Variants in FNDC7 observed in about 807,000 individuals in gnomAD.
FNDC7 encodes the protein fibronectin type III domain containing 7, also known as fibronectin type III domain-containing protein 7.
In FNDC7, 66 loss-of-function variants were observed where a neutral mutation model predicts 74.2. The observed-to-expected ratio is 0.89, with a 90% CI of 0.73 to 1.09. FNDC7 has a LOEUF of 1.09. Ranked by LOEUF, FNDC7 falls within the 50% of genes least tolerant of loss-of-function variation. FNDC7 has a pLI of 0.00. For missense variants in FNDC7, 829 were observed against 893.4 expected (o/e 0.93, Z 0.92); for synonymous variants, 307 against 330.2 (o/e 0.93, Z 0.76).
chr1:108,732,230 G>T (rs937305325), intron 9 of FNDC7, among the ~76,000 whole-genome samples: 33 of 151,558 alleles, frequency 2.2e-4, no homozygotes, highest in African/African-American at 8.0e-4. Context: ...GTGGTGGCGG[G>T]CGCCTGTAGT....
chr1:108,720,195 C>T (rs886983376), intron 4 of FNDC7, among the ~76,000 whole-genome samples: 3 of 152,152 alleles, frequency 2.0e-5, no homozygotes, highest in African/African-American at 7.2e-5. Context: ...TTTCCTTTCC[C>T]TTTCACACTG....
At chr1:108,734,051 T>C (rs887900121) in intron 10 of FNDC7, among the ~76,000 whole-genome samples, 10 of 152,234 alleles carry the variant, frequency 6.6e-5, no homozygotes, top group African/African-American at 2.2e-4. Context: ...GATTATCTTC[T>C]CTGTCCCACT....
At position 108,716,368 on chromosome 1, in the gene FNDC7, T is replaced by C. The variant is rs570589443; in HGVS notation, c.83-1409T>C. Among the ~76,000 whole-genome samples the C allele has an allele frequency of 5.8e-5, 8 of 136,854 alleles. No homozygotes were observed. The South Asian group carries it at 1.8e-3, about 31-fold the overall frequency. The allele number at this position is 136,854 out of a possible 152,430, so 89.8% of individuals were successfully genotyped here. ...GTGTGTGTGTGTGTGTGTGTGTGTG[T>C]GTGTGTGTTGGAAGAGGGAGCCCCT... On this transcript the variant is annotated intron_variant, in intron 2 of 12. Coordinates refer to ENST00000370017, the MANE Select transcript of FNDC7 (RefSeq NM_001144937.3).
intron 4 of FNDC7, among the ~76,000 whole-genome samples, chr1:108,719,484 C>G (rs757533627): frequency 1.3e-5 from 2 of 152,198 alleles, no homozygotes; most frequent in East Asian, 1.9e-4. Context: ...TCTAGAGATA[C>G]AGCAGCAAGC....
chr1:108,727,383 A>AC (rs1661242921), intron 6 of FNDC7, among the ~76,000 whole-genome samples: 1 of 151,680 alleles, frequency 6.6e-6, no homozygotes, highest in Middle Eastern at 3.2e-3. Flanking sequence ...TGTGAGCCCT[A>AC]CCCCCCAGTT....
intron 11 of FNDC7, among the ~76,000 whole-genome samples, chr1:108,738,544 A>G: frequency 3.4e-5 from 1 of 29,492 alleles, no homozygotes; most frequent in East Asian, 1.6e-3. Context: ...GCCCACCCCC[A>G]CCCCACCCCT....
chr1:108,739,753 G>A (rs1032757768), intron 11 of FNDC7, among the ~76,000 whole-genome samples: 1 of 152,198 alleles, frequency 6.6e-6, no homozygotes, highest in Non-Finnish European at 1.5e-5. Context: ...AGTTTGAGGA[G>A]CACTGCTTTA....
At chr1:108,732,959 AGT>A (rs1332210082) in intron 9 of FNDC7, among the ~76,000 whole-genome samples, 2 of 135,320 alleles carry the variant, frequency 1.5e-5, no homozygotes, top group Non-Finnish European at 3.1e-5. Context: ...TTTTTTGTAG[AGT>A]CAGGGTCTCC....
At position 108,718,971 on chromosome 1, in the gene FNDC7, AC is replaced by A; in HGVS notation, c.521del (p.Thr174IlefsTer5). 1.9e-6 allele frequency: 3 copies of A among 1,551,908 alleles called. No individual in the cohort carries two copies. The highest frequency in any genetic ancestry group is 2.6e-6 in the Non-Finnish European group (3 of 1,147,040). ...SLTFTSLEAG[T>X]LYTIKAYAWN... The stretch of plus-strand genomic sequence containing the variant: ...GACATTCACCAGTTTAGAAGCCGGA[AC>A]TCTCTACACCATAAAGGCCTATGCA... On this transcript the variant is annotated frameshift_variant, in exon 4 of 13. Transcript: ENST00000370017. LOFTEE classifies it high-confidence loss of function.
At chr1:108,737,130 C>T (rs142585316) in intron 10 of FNDC7, among the ~76,000 whole-genome samples, 6 of 152,172 alleles carry the variant, frequency 3.9e-5, no homozygotes, top group Non-Finnish European at 5.9e-5. Flanking sequence ...CTACCATGCC[C>T]GGCTAATTTT....
intron 4 of FNDC7, among the ~76,000 whole-genome samples, chr1:108,721,944 G>A (rs540174359): frequency 2.0e-5 from 3 of 152,204 alleles, no homozygotes; most frequent in South Asian, 2.1e-4. Flanking sequence ...ACGTACCCAC[G>A]TGGCCCTTTT....
Position 108,728,063 on chromosome 1 carries a change from CA to C in FNDC7, c.1368del (p.Ala457LeufsTer7). The C allele has an allele frequency of 6.8e-6, 11 of 1,612,372 alleles. No homozygotes were observed. The highest frequency in any genetic ancestry group is 9.3e-6 in the Non-Finnish European group (11 of 1,178,988). On this transcript the variant is annotated frameshift_variant and splice_region_variant, in exon 7 of 13. Coordinates refer to ENST00000370017, the MANE Select transcript of FNDC7 (RefSeq NM_001144937.3). LOFTEE classifies it high-confidence loss of function. Reference sequence around the variant, plus strand: ...TCATGTACTCCCCAGTTCATAACCACAGGTAAGGCACAGCTATCATTCCACT... The same window carrying C: ...TCATGTACTCCCCAGTTCATAACCACGGTAAGGCACAGCTATCATTCCACT... ...NMSCTPQFITTAPCSPEIKNV... is the reference protein window; with the variant it reads ...NMSCTPQFITXAPCSPEIKNV...
intron 5 of FNDC7, among the ~76,000 whole-genome samples, chr1:108,724,841 G>A (rs1661172575): frequency 6.6e-6 from 1 of 152,032 alleles, no homozygotes; most frequent in Non-Finnish European, 1.5e-5. Context: ...AGCACTTTGG[G>A]AGGCTGAGAG....
chr1:108,738,037 T>C (rs1282461025), intron 11 of FNDC7, among the ~76,000 whole-genome samples: 1 of 152,218 alleles, frequency 6.6e-6, no homozygotes, highest in East Asian at 1.9e-4. Flanking sequence ...ACACATCACC[T>C]GGGGCCTCGT....
chr1:108,735,719 A>G (rs116354388), intron 10 of FNDC7, among the ~76,000 whole-genome samples: 9,119 of 152,280 alleles, frequency 0.06, 282 homozygotes, highest in Admixed American at 0.08. Flanking sequence ...TACTTATAGT[A>G]CATTTAGTTC....
In FNDC7 at chr1:108,714,212, C is replaced by T. The variant is rs180957999; in HGVS notation, c.82+683C>T. Among the ~76,000 whole-genome samples, 9 of 151,982 alleles carry T rather than the reference C, an allele frequency of 5.9e-5. No homozygotes were observed. In the East Asian group the frequency reaches 1.4e-3, roughly 23 times the overall value. On this transcript the variant is annotated intron_variant, in intron 2 of 12. Transcript: ENST00000370017. ...AACCACATAATATCAACCATATCAC[C>T]GATAAATTCTCATAGTGATTCAACA...
intron 2 of FNDC7, 46 bp downstream of exon 2, chr1:108,713,575 T>A: frequency 6.7e-7 from 1 of 1,498,848 alleles, no homozygotes; most frequent in Non-Finnish European, 9.0e-7. Flanking sequence ...TATTTGATTT[T>A]AATTTCCATT....
At chr1:108,714,845 G>A (rs3006866) in intron 2 of FNDC7, among the ~76,000 whole-genome samples, 82,771 of 151,564 alleles carry the variant, frequency 0.55, 25,046 homozygotes, top group East Asian at 0.79. Context: ...CGCCCGCCTC[G>A]GCCTCCCAAA....
At chr1:108,733,631 A>G in intron 10 of FNDC7, 99 bp downstream of exon 10, 1 of 1,011,212 alleles carries the variant, frequency 9.9e-7, no homozygotes, top group Non-Finnish European at 1.4e-6. Flanking sequence ...AAGGGCACAG[A>G]GGGTATAAAA....
Sources: gnomAD v4.1 joint callset for allele counts (sites outside exome capture counted in the v4.1 genomes callset) on GRCh38, gnomAD v4.1.1 for gene constraint, MANE v1.5 for transcripts, NCBI Gene and HGNC (gene_info 2026-07-23, HGNC 2026-07-21) for gene names.